ZNF136: variants seen among roughly 807,000 people sequenced by gnomAD.
ZNF136 encodes the protein zinc finger protein 136 (clone pHZ-20).
Under a neutral mutation model 11.4 loss-of-function variants are expected in ZNF136, and 8 were observed. The observed-to-expected ratio is 0.70, with a 90% CI of 0.41 to 1.27. The LOEUF is 1.27. Ranked by LOEUF, ZNF136 falls within the 50% of genes most tolerant of loss-of-function variation. The probability of loss-of-function intolerance (pLI) is 0.01; values close to 1 mark genes in which losing one functional copy is unlikely to be tolerated. For missense variants in ZNF136, 590 were observed against 656.5 expected (o/e 0.90, Z 1.11); for synonymous variants, 190 against 207.1 (o/e 0.92, Z 0.71).
At chr19:12,164,632 C>T (rs1403018839) in intron 1 of ZNF136, 2 of 152,196 alleles carry the variant, frequency 1.3e-5, no homozygotes, top group Non-Finnish European at 2.9e-5. Context: ...TTAGTAGAGA[C>T]GGAGTTTCAC....
At chr19:12,172,507 A>G (rs925483148) in intron 1 of ZNF136, among the ~76,000 whole-genome samples, 2 of 151,886 alleles carry the variant, frequency 1.3e-5, no homozygotes, top group Non-Finnish European at 2.9e-5. Flanking sequence ...ATCTTGTCTG[A>G]CCATTGTCAG....
chr19:12,168,543 C>A (rs1487217255), intron 1 of ZNF136, among the ~76,000 whole-genome samples: 3 of 152,082 alleles, frequency 2.0e-5, no homozygotes, highest in Non-Finnish European at 4.4e-5. Context: ...ATACTCCCTT[C>A]CCTGGAGGGT....
chr19:12,174,627 T>A (rs1217565486), intron 1 of ZNF136, among the ~76,000 whole-genome samples: 1 of 152,098 alleles, frequency 6.6e-6, no homozygotes, highest in Non-Finnish European at 1.5e-5. Flanking sequence ...ACAACAAGCA[T>A]TAATTTCTTT....
chr19:12,163,143 G>C lies in ZNF136; in HGVS notation c.-61G>C. 1 of 1,395,414 alleles carries C rather than the reference G, an allele frequency of 7.2e-7. No homozygotes were observed. The highest frequency in any genetic ancestry group is 9.4e-7 in the Non-Finnish European group (1 of 1,067,720). The allele number at this position is 1,395,414 out of a possible 1,614,324, so 86.4% of individuals were successfully genotyped here. The stretch of plus-strand genomic sequence containing the variant: ...GGCTCGCCTGGAGTCTCTGTGGCGC[G>C]GTTTCCTGTACCTGCCTTGGGATCC... On this transcript the variant is annotated 5_prime_UTR_variant, in exon 1 of 4. Coordinates refer to ENST00000343979, the MANE Select transcript of ZNF136 (RefSeq NM_003437.5).
chr19:12,181,159 G>T (rs1479334494), intron 1 of ZNF136, among the ~76,000 whole-genome samples: 5 of 152,238 alleles, frequency 3.3e-5, no homozygotes, highest in Non-Finnish European at 7.3e-5. Flanking sequence ...GGTAGCCGGA[G>T]GGAGGACCCA....
At chr19:12,183,405 G>A (rs1354275160) in intron 1 of ZNF136, among the ~76,000 whole-genome samples, 1 of 152,072 alleles carries the variant, frequency 6.6e-6, no homozygotes, top group African/African-American at 2.4e-5. Context: ...CGAAGTGCTG[G>A]GATTTTAGGC....
chr19:12,184,886 A>G (rs1915044835), intron 1 of ZNF136: 3 of 152,188 alleles, frequency 2.0e-5, no homozygotes. Context: ...CTCCTTCCCC[A>G]AATCCGTTTC....
At chr19:12,166,486 G>A (rs1977188668) in intron 1 of ZNF136, among the ~76,000 whole-genome samples, 1 of 152,100 alleles carries the variant, frequency 6.6e-6, no homozygotes, top group Admixed American at 6.6e-5. Context: ...ATAAATTGGG[G>A]AATTACAAAG....
intron 1 of ZNF136, among the ~76,000 whole-genome samples, chr19:12,180,354 T>A (rs1914909911): frequency 6.6e-6 from 1 of 152,172 alleles, no homozygotes; most frequent in African/African-American, 2.4e-5. Flanking sequence ...AACTGTAGAC[T>A]CAGAACATCC....
chr19:12,175,257 C>CTA (rs1010340615), intron 1 of ZNF136, among the ~76,000 whole-genome samples: 1 of 151,412 alleles, frequency 6.6e-6, no homozygotes, highest in African/African-American at 2.4e-5. Context: ...TGCAGTGATG[C>CTA]TATCTTGGCT....
At chr19:12,164,684 C>T (rs906223136) in intron 1 of ZNF136, 1 of 152,208 alleles carries the variant, frequency 6.6e-6, no homozygotes, top group African/African-American at 2.4e-5. Context: ...CCTCGCGATC[C>T]GCCTGCCTTG....
At position 12,189,820 on chromosome 19, in the gene ZNF136, G is replaced by T. The variant is rs1223462732; in HGVS notation, c.*1819G>T. On this transcript the variant is annotated 3_prime_UTR_variant, in exon 4 of 4. Coordinates refer to ENST00000343979, the MANE Select transcript of ZNF136 (RefSeq NM_003437.5). ...TATTCTGGCTGCTCTTTGTATAATT[G>T]ATTTTGGGATAAGGAGACAGCTATG... 6.6e-6 allele frequency: 1 copy of T among 152,140 alleles called. No homozygotes were observed. Among genetic ancestry groups the T allele is most frequent in the Non-Finnish European group, 1.5e-5 (1 of 68,034 alleles). The allele number at this position is 152,140 out of a possible 1,614,324, so 9.4% of individuals were successfully genotyped here. A position where few individuals can be genotyped will look rare whatever the true frequency, so the allele number is the denominator to read the frequency against.
chr19:12,179,949 T>TCC (rs1223119997), intron 1 of ZNF136, among the ~76,000 whole-genome samples: 1 of 151,882 alleles, frequency 6.6e-6, no homozygotes, highest in African/African-American at 2.4e-5. Context: ...CACTGCAAGC[T>TCC]CCACCTCCCG....
chr19:12,180,228 G>C (rs1158982019), intron 1 of ZNF136, among the ~76,000 whole-genome samples: 1 of 152,194 alleles, frequency 6.6e-6, no homozygotes, highest in Non-Finnish European at 1.5e-5. Flanking sequence ...CTCTAGGAAA[G>C]TTGTCAGAAT....
chr19:12,168,057 C>CTTTTTTTTTTTTTTTTTTTTT lies in ZNF136; in HGVS notation c.3+4861_3+4881dup, dbSNP rs386388563. Among the ~76,000 whole-genome samples, 362 of 71,188 alleles carry CTTTTTTTTTTTTTTTTTTTTT rather than the reference C, an allele frequency of 5.1e-3. 32 individuals are homozygous for CTTTTTTTTTTTTTTTTTTTTT. Among genetic ancestry groups the CTTTTTTTTTTTTTTTTTTTTT allele is most frequent in the African/African-American group, 8.0e-3 (138 of 17,276 alleles). The allele number at this position is 71,188 out of a possible 152,430, so 46.7% of individuals were successfully genotyped here. ...GCCCATTTTTTTTTCTTTTCTTTTT[C>CTTTTTTTTTTTTTTTTTTTTT]TTTTTTTTTTTTTTTTTTTTTTTTT... On this transcript the variant is annotated intron_variant, in intron 1 of 3. Transcript: ENST00000343979.
intron 1 of ZNF136, among the ~76,000 whole-genome samples, chr19:12,173,106 T>A (rs1188163380): frequency 6.6e-6 from 1 of 152,140 alleles, no homozygotes; most frequent in Non-Finnish European, 1.5e-5. Flanking sequence ...CCTCAGCCTG[T>A]CAGTGGGGAG....
At chr19:12,173,442 C>A (rs905085344) in intron 1 of ZNF136, among the ~76,000 whole-genome samples, 8 of 151,996 alleles carry the variant, frequency 5.3e-5, no homozygotes, top group Non-Finnish European at 8.8e-5. Flanking sequence ...GTATGGGGAG[C>A]TTCTGGACAG....
chr19:12,178,377 G>A (rs1914851079), intron 1 of ZNF136, among the ~76,000 whole-genome samples: 1 of 152,122 alleles, frequency 6.6e-6, no homozygotes, highest in Admixed American at 6.5e-5. Context: ...GCAGTGTCTG[G>A]TTTCACCCAG....
chr19:12,188,221 A>ATGC lies in ZNF136; in HGVS notation c.*222_*224dup, dbSNP rs1268913772. The ATGC allele has an allele frequency of 2.5e-6, 1 of 397,042 alleles. No homozygotes were observed. Among genetic ancestry groups the ATGC allele is most frequent in the Non-Finnish European group, 4.4e-6 (1 of 227,212 alleles). The allele number at this position is 397,042 out of a possible 1,614,324, so 24.6% of individuals were successfully genotyped here. A position where few individuals can be genotyped will look rare whatever the true frequency, so the allele number is the denominator to read the frequency against. On this transcript the variant is annotated 3_prime_UTR_variant, in exon 4 of 4. Coordinates refer to ENST00000343979, the MANE Select transcript of ZNF136 (RefSeq NM_003437.5). ...ACTCATCATGGAGAAAACCAAACAA[A>ATGC]TGCTTTTTGGAAAGGAACCCATATT...
Sources: allele counts gnomAD v4.1 joint callset (sites outside exome capture counted in the v4.1 genomes callset), GRCh38; gene constraint gnomAD v4.1.1; transcripts MANE v1.5; gene names NCBI Gene and HGNC (gene_info 2026-07-23, HGNC 2026-07-21).